Variants in RGS6 observed in about 807,000 individuals in gnomAD.
RGS6 encodes the protein regulator of G-protein signaling 6.
Under a neutral mutation model 78.5 loss-of-function variants are expected in RGS6, and 30 were observed. The ratio of observed to expected loss-of-function variants is 0.38; its 90% CI spans 0.29 to 0.52. The LOEUF (loss-of-function observed/expected upper bound fraction) is 0.52, where lower values mean the gene tolerates loss of function less well. Among genes scored for constraint, RGS6 ranks in the 20% least tolerant of loss-of-function variants. The probability of loss-of-function intolerance (pLI) is 0.85; values close to 1 mark genes in which losing one functional copy is unlikely to be tolerated. For missense variants in RGS6, 495 were observed against 609.7 expected (o/e 0.81, Z 1.98); for synonymous variants, 206 against 206.0 (o/e 1.00, Z 0.00).
chr14:71,987,553 TCTCA>T (rs1186758248), intron 2 of RGS6, among the ~76,000 whole-genome samples: 1 of 152,144 alleles, frequency 6.6e-6, no homozygotes, highest in Non-Finnish European at 1.5e-5. Context: ...TCAGAGAGAG[TCTCA>T]CTCTGTTCCC....
chr14:72,580,844 G>C, the RGS6 span, among the ~76,000 whole-genome samples: 1 of 152,176 alleles, frequency 6.6e-6, no homozygotes, highest in Non-Finnish European at 1.5e-5. Context: ...AGTGAGCAGG[G>C]TCTGCCAGGA....
At chr14:72,478,890 C>T (rs1044345984) in intron 12 of RGS6, among the ~76,000 whole-genome samples, 5 of 152,212 alleles carry the variant, frequency 3.3e-5, no homozygotes, top group South Asian at 2.1e-4. Context: ...AGTTCCACTC[C>T]GTTAACTCAT....
At chr14:72,482,273 C>A (rs1426139566) in intron 12 of RGS6, among the ~76,000 whole-genome samples, 1 of 152,110 alleles carries the variant, frequency 6.6e-6, no homozygotes, top group Non-Finnish European at 1.5e-5. Context: ...TTATAAGGTG[C>A]CCTGCTTCCC....
intron 2 of RGS6, among the ~76,000 whole-genome samples, chr14:72,023,587 T>C (rs2089201201): frequency 6.6e-6 from 1 of 152,216 alleles, no homozygotes; most frequent in African/African-American, 2.4e-5. Context: ...CTTACCTGCT[T>C]GGCAGAAAGA....
intron 2 of RGS6, among the ~76,000 whole-genome samples, chr14:72,166,296 T>A (rs533815362): frequency 6.6e-6 from 1 of 152,312 alleles, no homozygotes; most frequent in South Asian, 2.1e-4. Context: ...TAAATAGAAA[T>A]TGAAAAGCTC....
chr14:72,139,421 T>C (rs911450793), intron 2 of RGS6, among the ~76,000 whole-genome samples: 5 of 152,230 alleles, frequency 3.3e-5, no homozygotes, highest in Non-Finnish European at 7.3e-5. Flanking sequence ...GTTCAGTTAC[T>C]GGGCACAACC....
chr14:72,041,172 A>T (rs1441586160), intron 2 of RGS6, among the ~76,000 whole-genome samples: 1 of 152,258 alleles, frequency 6.6e-6, no homozygotes, highest in East Asian at 1.9e-4. Context: ...GGATTTGGGC[A>T]TTTGAAAAAC....
intron 2 of RGS6, among the ~76,000 whole-genome samples, chr14:72,074,754 C>T (rs945217081): frequency 6.6e-6 from 1 of 151,988 alleles, no homozygotes; most frequent in African/African-American, 2.4e-5. Flanking sequence ...TTGTGCATTG[C>T]TTTTACATTT....
At chr14:71,992,749 T>A (rs544061186) in intron 2 of RGS6, among the ~76,000 whole-genome samples, 2 of 152,356 alleles carry the variant, frequency 1.3e-5, no homozygotes, top group African/African-American at 2.4e-5. Context: ...CAGGTTGATA[T>A]ATTTGGCCAA....
intron 2 of RGS6, among the ~76,000 whole-genome samples, chr14:72,050,406 C>T (rs531771313): frequency 5.9e-5 from 9 of 152,008 alleles, no homozygotes; most frequent in Non-Finnish European, 1.2e-4. Context: ...TGGAAATATT[C>T]TAAAACTTGA....
the RGS6 span, among the ~76,000 whole-genome samples, chr14:71,894,035 C>T: frequency 6.6e-6 from 1 of 152,140 alleles, no homozygotes; most frequent in African/African-American, 2.4e-5. Flanking sequence ...TTCATGTGAG[C>T]CAGGTCCTGG....
intron 3 of RGS6, among the ~76,000 whole-genome samples, chr14:72,375,143 C>T (rs2283385): frequency 0.52 from 79,554 of 151,966 alleles, 23,070 homozygotes; most frequent in African/African-American, 0.79. Context: ...TAACATCTAA[C>T]CAAATTTTGA....
intron 15 of RGS6, among the ~76,000 whole-genome samples, chr14:72,534,088 C>A (rs1273213941): frequency 2.0e-5 from 3 of 152,182 alleles, no homozygotes; most frequent in Admixed American, 1.3e-4. Context: ...ATGCGACAAA[C>A]TTCATTGTCT....
At chr14:72,203,654 C>G (rs1467151967) in intron 2 of RGS6, among the ~76,000 whole-genome samples, 3 of 152,204 alleles carry the variant, frequency 2.0e-5, no homozygotes, top group African/African-American at 7.2e-5. Context: ...CTGCTCACAA[C>G]ATGGTGGCTG....
chr14:71,904,107 C>T, the RGS6 span, among the ~76,000 whole-genome samples: 2 of 152,166 alleles, frequency 1.3e-5, no homozygotes, highest in Non-Finnish European at 2.9e-5. Context: ...TGTCAGCCAT[C>T]GTAGTGGACA....
rs1192387497 is a variant in RGS6, at chr14:72,551,111, G to A, written c.1422+11017G>A. ...CACCTCGGCCTCCCAAAGTGCTGGAGTTACAAGTGTGAGCCACCGTGCCCA... is the reference window on the plus strand; with the variant it reads ...CACCTCGGCCTCCCAAAGTGCTGGAATTACAAGTGTGAGCCACCGTGCCCA... On this transcript the variant is annotated intron_variant, in intron 17 of 17. Coordinates refer to ENST00000553525, the MANE Select transcript of RGS6 (RefSeq NM_001204424.2). Among the ~76,000 whole-genome samples, 4 of 152,064 alleles carry A rather than the reference G, an allele frequency of 2.6e-5. No homozygotes were observed. The East Asian group carries it at 7.7e-4, about 29-fold the overall frequency.
intron 2 of RGS6, among the ~76,000 whole-genome samples, chr14:72,154,055 A>G (rs1224332212): frequency 6.6e-6 from 1 of 152,092 alleles, no homozygotes; most frequent in Non-Finnish European, 1.5e-5. Flanking sequence ...ACCTCGCCCC[A>G]GGAATGCATT....
At chr14:72,573,304 T>A in the RGS6 span, among the ~76,000 whole-genome samples, 1 of 152,202 alleles carries the variant, frequency 6.6e-6, no homozygotes, top group Non-Finnish European at 1.5e-5. Context: ...ACTTGAGCTC[T>A]AAGAAGAAAC....
chr14:72,472,168 T>A (rs1389688152), intron 8 of RGS6, among the ~76,000 whole-genome samples: 2 of 78,632 alleles, frequency 2.5e-5, no homozygotes, highest in Non-Finnish European at 4.9e-5. Context: ...ACATGCTTTT[T>A]TAAGAAAAAA....
Sources: gnomAD v4.1 joint callset for allele counts (sites outside exome capture counted in the v4.1 genomes callset) on GRCh38, gnomAD v4.1.1 for gene constraint, MANE v1.5 for transcripts, NCBI Gene and HGNC (gene_info 2026-07-23, HGNC 2026-07-21) for gene names.